ZCCHC2: variants seen among roughly 807,000 people sequenced by gnomAD.
ZCCHC2 encodes zinc finger CCHC-type containing 2.
ZCCHC2 carries 39 observed loss-of-function variants against 103.6 expected under a neutral mutation model. The ratio of observed to expected loss-of-function variants is 0.38; its 90% confidence interval spans 0.29 to 0.49. The LOEUF is 0.49. Among genes scored for constraint, ZCCHC2 ranks in the 20% least tolerant of loss-of-function variants. The probability of loss-of-function intolerance (pLI) is 0.96; values close to 1 mark genes in which losing one functional copy is unlikely to be tolerated. For synonymous variants in ZCCHC2, 687 were observed against 608.9 expected (o/e 1.13, Z -1.89); for missense variants, 1,483 against 1,491.0 (o/e 0.99, Z 0.09).
At chr18:62,574,024 G>T in intron 12 of ZCCHC2, 33 bp from the exon 13 acceptor site, 1 of 1,579,350 alleles carries the variant, frequency 6.3e-7, no homozygotes, top group African/African-American at 1.4e-5. Context: ...AGTTATGCCC[G>T]TGTTAATATC....
intron 1 of ZCCHC2, chr18:62,526,084 CCTTTT>C (rs1404805046): frequency 1.3e-5 from 2 of 151,878 alleles, no homozygotes; most frequent in Non-Finnish European, 2.9e-5. Flanking sequence ...TTTTTCTTTC[CCTTTT>C]CTTTCTTTAA....
intron 1 of ZCCHC2, among the ~76,000 whole-genome samples, chr18:62,533,764 C>T (rs938164332): frequency 1.3e-5 from 2 of 150,206 alleles, no homozygotes; most frequent in East Asian, 4.0e-4. Context: ...TCCAGTTACT[C>T]CAAAGGCTAA....
chr18:62,541,808 A>T (rs934998627), intron 2 of ZCCHC2, among the ~76,000 whole-genome samples: 1 of 152,200 alleles, frequency 6.6e-6, no homozygotes, highest in African/African-American at 2.4e-5. Context: ...TGGGGGATTT[A>T]TACATTTGCT....
At chr18:62,562,202 A>G (rs1481989458) in intron 8 of ZCCHC2, among the ~76,000 whole-genome samples, 1 of 151,872 alleles carries the variant, frequency 6.6e-6, no homozygotes, top group African/African-American at 2.4e-5. Context: ...GAGTTTCACT[A>G]TGTTGGCCAG....
At chr18:62,553,312 A>G (rs948138626) in intron 5 of ZCCHC2, among the ~76,000 whole-genome samples, 1 of 152,116 alleles carries the variant, frequency 6.6e-6, no homozygotes, top group East Asian at 1.9e-4. Flanking sequence ...ATGTAAAAAG[A>G]TGGCTACTTT....
intron 1 of ZCCHC2, among the ~76,000 whole-genome samples, chr18:62,538,260 C>CAA (rs35609138): frequency 0.03 from 3,672 of 122,562 alleles, 239 homozygotes; most frequent in African/African-American, 0.11. Context: ...GACCCTGTCT[C>CAA]AAAAAAAAAA....
At chr18:62,565,488 C>T (rs1327722323) in intron 11 of ZCCHC2, among the ~76,000 whole-genome samples, 2 of 152,158 alleles carry the variant, frequency 1.3e-5, no homozygotes, top group African/African-American at 4.8e-5. Flanking sequence ...ATACTGTTGA[C>T]TTCTTCATGA....
chr18:62,575,441 C>A lies in ZCCHC2; in HGVS notation c.3360C>A (p.Thr1120=), dbSNP rs573988716. Residue 1120 remains threonine (T), a synonymous_variant, in exon 13 of 14, where the codon ACC becomes ACA. Coordinates refer to ENST00000269499, the MANE Select transcript of ZCCHC2 (RefSeq NM_017742.6). ...CAGCACCTAACGTAGTTGCCAACACCAGTGGTTCGGGGCCCAAGAAGAATG... is the reference window on the plus strand; with the variant it reads ...CAGCACCTAACGTAGTTGCCAACACAAGTGGTTCGGGGCCCAAGAAGAATG... ...VYPAPNVVAN[T]SGSGPKKNGN... The A allele has an allele frequency of 6.2e-7, 1 of 1,614,018 alleles. No individual in the cohort carries two copies. Among genetic ancestry groups the A allele is most frequent in the East Asian group, 2.2e-5 (1 of 44,886 alleles).
intron 2 of ZCCHC2, among the ~76,000 whole-genome samples, chr18:62,540,054 G>A (rs1388923407): frequency 6.6e-6 from 1 of 152,174 alleles, no homozygotes; most frequent in African/African-American, 2.4e-5. Context: ...CTTAAACCTG[G>A]TTGCATGCTT....
chr18:62,558,783 T>A lies in ZCCHC2; in HGVS notation c.1492+13T>A. On this transcript the variant is annotated intron_variant, in intron 7 of 13. Transcript: ENST00000269499. ...AGTCAAGAAGAAGGTAAAGGTAGAT[T>A]CACTAGAGTAAATCATTCTGCCTGC... 1 of 1,513,056 alleles carries A rather than the reference T, an allele frequency of 6.6e-7. No individual in the cohort carries two copies. The highest frequency in any genetic ancestry group is 8.9e-7 in the Non-Finnish European group (1 of 1,122,118). The allele number at this position is 1,513,056 out of a possible 1,614,324, so 93.7% of individuals were successfully genotyped here. A position where few individuals can be genotyped will look rare whatever the true frequency, so the allele number is the denominator to read the frequency against.
At chr18:62,524,765 A>G in intron 1 of ZCCHC2, 1 of 187,826 alleles carries the variant, frequency 5.3e-6, no homozygotes, top group Non-Finnish European at 1.1e-5. Flanking sequence ...AGCCAGCCGC[A>G]GTGAGCCCCA....
chr18:62,550,158 G>T (rs977056766), intron 4 of ZCCHC2, among the ~76,000 whole-genome samples, 190 bp from the exon 5 acceptor site: 2 of 152,206 alleles, frequency 1.3e-5, no homozygotes, highest in Non-Finnish European at 2.9e-5. Flanking sequence ...AGAAGATGGT[G>T]CATTTCCCAG....
intron 9 of ZCCHC2, among the ~76,000 whole-genome samples, chr18:62,563,490 G>A (rs1490154321): frequency 6.6e-6 from 1 of 151,968 alleles, no homozygotes; most frequent in African/African-American, 2.4e-5. Context: ...AACCCTGTCT[G>A]TATAAAAAAT....
rs751177226 is a variant in ZCCHC2 at position 62,523,461 on chromosome 18, C to G, written c.37C>G (p.Pro13Ala). 4.7e-5 allele frequency: 52 copies of G among 1,098,070 alleles called. No individual in the cohort carries two copies. In the South Asian group the frequency reaches 9.8e-4, roughly 21 times the overall value. The allele number at this position is 1,098,070 out of a possible 1,614,324, so 68.0% of individuals were successfully genotyped here. Residue 13 changes from proline to alanine, a missense_variant, in exon 1 of 14, where the codon CCC (proline) becomes GCC (alanine). Around this residue, in one of 3 missense-constraint regions of ZCCHC2, gnomAD observed 568 missense variants for 525.1 expected, o/e 1.08. Transcript: ENST00000269499. ...GAAGCTGCCGCTGAAGCCAACGCAC[C>G]CCGCGGAGCCGCCGCCCGAGGCGGA... ...RMKLPLKPTH[P>A]AEPPPEAEEP...
At chr18:62,570,373 C>T (rs1916546726) in intron 12 of ZCCHC2, 142 bp downstream of exon 12, 4 of 1,075,214 alleles carry the variant, frequency 3.7e-6, no homozygotes, top group Non-Finnish European at 5.4e-6. Flanking sequence ...AATGTAAAGT[C>T]GTTATAAAGG....
At chr18:62,571,181 C>G (rs567419659) in intron 12 of ZCCHC2, among the ~76,000 whole-genome samples, 2 of 150,074 alleles carry the variant, frequency 1.3e-5, no homozygotes, top group South Asian at 4.3e-4. Flanking sequence ...GGGTAAGAGG[C>G]TGTAACACAG....
chr18:62,567,078 T>G (rs1216271295), intron 11 of ZCCHC2, among the ~76,000 whole-genome samples: 2 of 152,248 alleles, frequency 1.3e-5, no homozygotes, highest in East Asian at 3.8e-4. Flanking sequence ...TTGTATGTAT[T>G]TACATTTATA....
At position 62,565,079 on chromosome 18, in the gene ZCCHC2, A is replaced by G. The variant is rs1916295505; in HGVS notation, c.1829A>G (p.His610Arg). 6.2e-7 allele frequency: 1 copy of G among 1,612,798 alleles called. No individual in the cohort carries two copies. The highest frequency in any genetic ancestry group is 8.5e-7 in the Non-Finnish European group (1 of 1,179,006). Residue 610 changes from histidine (H) to arginine (R), a missense_variant, in exon 11 of 14, where the codon CAT becomes CGT. Coordinates refer to ENST00000269499, the MANE Select transcript of ZCCHC2 (RefSeq NM_017742.6). ...GIRLSTPQHA[H>R]GGTVKDVNLD... is the part of the protein sequence containing the mutation. ...AGACTCTCCACTCCTCAGCATGCCCATGGTGGTACTGTGAAAGGTAAGAAG... is the reference window on the plus strand; with the variant it reads ...AGACTCTCCACTCCTCAGCATGCCCGTGGTGGTACTGTGAAAGGTAAGAAG...
intron 1 of ZCCHC2, among the ~76,000 whole-genome samples, chr18:62,533,218 A>G (rs1914771767): frequency 6.6e-6 from 1 of 152,016 alleles, no homozygotes; most frequent in African/African-American, 2.4e-5. Flanking sequence ...TTGGACTTGG[A>G]AAATATATAG....
Sources: allele counts gnomAD v4.1 joint callset (sites outside exome capture counted in the v4.1 genomes callset), GRCh38; gene constraint gnomAD v4.1.1; regional missense constraint gnomAD v4.1.1; transcripts MANE v1.5; gene names NCBI Gene and HGNC (gene_info 2026-07-23, HGNC 2026-07-21).